SMCO4: variants seen among roughly 807,000 people sequenced by gnomAD.
SMCO4 encodes single-pass membrane and coiled-coil domain-containing protein 4.
Under a neutral mutation model 3.6 loss-of-function variants are expected in SMCO4, and 4 were observed. The ratio of observed to expected loss-of-function variants is 1.11; its 90% CI spans 0.54 to 2.53. The LOEUF is 2.53. Ranked by LOEUF, SMCO4 falls within the 30% of genes most tolerant of loss-of-function variation. SMCO4 has a pLI of 0.02. For synonymous variants in SMCO4, 36 were observed against 35.3 expected (o/e 1.02, Z -0.07); for missense variants, 70 against 80.8 (o/e 0.87, Z 0.51).
At chr11:93,529,299 C>G (rs904315442) in intron 1 of SMCO4, among the ~76,000 whole-genome samples, 3 of 152,200 alleles carry the variant, frequency 2.0e-5, no homozygotes, top group African/African-American at 7.2e-5. Context: ...ATCTTCACAA[C>G]TTTCATTTTG....
chr11:93,502,127 C>T (rs537698635), intron 1 of SMCO4, among the ~76,000 whole-genome samples: 1 of 152,280 alleles, frequency 6.6e-6, no homozygotes, highest in East Asian at 1.9e-4. Context: ...CCCTTCCCCA[C>T]CCCATACTCC....
intron 1 of SMCO4, among the ~76,000 whole-genome samples, chr11:93,539,132 G>A (rs749860576): frequency 1.3e-5 from 2 of 152,160 alleles, no homozygotes; most frequent in Middle Eastern, 3.2e-3. Context: ...AGCATGATCA[G>A]CCTCCCAGAG....
chr11:93,507,084 G>A (rs922333050), intron 1 of SMCO4, among the ~76,000 whole-genome samples: 2 of 152,136 alleles, frequency 1.3e-5, no homozygotes, highest in African/African-American at 2.4e-5. Flanking sequence ...TGTTGCTAAA[G>A]ACAAATTTTG....
chr11:93,479,392 GAGGCCACACC>G, intron 2 of SMCO4, 123 bp from the exon 3 acceptor site: 1 of 936,178 alleles, frequency 1.1e-6, no homozygotes. Context: ...GCTAAGAACA[GAGGCCACACC>G]AGGCTCTAAG....
intron 1 of SMCO4, among the ~76,000 whole-genome samples, chr11:93,541,453 GAC>G (rs753228805): frequency 6.6e-6 from 1 of 152,152 alleles, no homozygotes; most frequent in Non-Finnish European, 1.5e-5. Flanking sequence ...GTTGTACAAG[GAC>G]CCCAGCATCA....
the SMCO4 span, among the ~76,000 whole-genome samples, chr11:93,550,140 G>A: frequency 6.6e-6 from 1 of 152,156 alleles, no homozygotes; most frequent in Admixed American, 6.5e-5. Flanking sequence ...TACCCCTGCT[G>A]CCGGCAACCA....
intron 1 of SMCO4, among the ~76,000 whole-genome samples, chr11:93,532,592 ATCTG>A (rs1053476103): frequency 2.6e-5 from 4 of 152,266 alleles, no homozygotes; most frequent in East Asian, 1.9e-4. Flanking sequence ...CCTCTCATCT[ATCTG>A]TCTATGTCCT....
At chr11:93,482,579 G>T (rs1227683319) in intron 2 of SMCO4, among the ~76,000 whole-genome samples, 1 of 152,204 alleles carries the variant, frequency 6.6e-6, no homozygotes, top group East Asian at 1.9e-4. Flanking sequence ...CAAGCATGGG[G>T]TACTCAGAGA....
intron 1 of SMCO4, among the ~76,000 whole-genome samples, chr11:93,518,330 C>T (rs746265730): frequency 1.3e-5 from 2 of 152,152 alleles, no homozygotes; most frequent in Non-Finnish European, 2.9e-5. Context: ...TATGGAGATA[C>T]CACATTTTGT....
chr11:93,509,003 C>T (rs1948933832), intron 1 of SMCO4, among the ~76,000 whole-genome samples: 2 of 152,084 alleles, frequency 1.3e-5, no homozygotes, highest in South Asian at 4.1e-4. Context: ...TTAAAAATTG[C>T]TCACGGCCAG....
chr11:93,485,239 T>C (rs1948634933), intron 2 of SMCO4, among the ~76,000 whole-genome samples: 1 of 152,140 alleles, frequency 6.6e-6, no homozygotes, highest in Non-Finnish European at 1.5e-5. Flanking sequence ...CCTGTAAGCT[T>C]TCCACATCAT....
At chr11:93,501,881 G>A (rs1427749168) in intron 1 of SMCO4, among the ~76,000 whole-genome samples, 1 of 151,964 alleles carries the variant, frequency 6.6e-6, no homozygotes, top group Non-Finnish European at 1.5e-5. Flanking sequence ...AACAGCAATG[G>A]GCCAGATGAC....
chr11:93,526,727 T>C (rs1949111839), intron 1 of SMCO4, among the ~76,000 whole-genome samples: 1 of 152,158 alleles, frequency 6.6e-6, no homozygotes, highest in Admixed American at 6.5e-5. Flanking sequence ...CTCAGCACTT[T>C]TTCCCTACAT....
At chr11:93,502,904 C>CA (rs1444611565) in intron 1 of SMCO4, among the ~76,000 whole-genome samples, 5 of 152,188 alleles carry the variant, frequency 3.3e-5, no homozygotes, top group African/African-American at 1.2e-4. Flanking sequence ...ACAGGCCAGC[C>CA]ACTAACCTGA....
chr11:93,534,797 G>A (rs536188113), intron 1 of SMCO4, among the ~76,000 whole-genome samples: 28 of 152,162 alleles, frequency 1.8e-4, no homozygotes, highest in African/African-American at 5.8e-4. Context: ...GGAGGGCCCC[G>A]AGATCAGCCC....
intron 2 of SMCO4, among the ~76,000 whole-genome samples, chr11:93,485,404 T>A (rs1156839353): frequency 6.6e-6 from 1 of 152,260 alleles, no homozygotes; most frequent in African/African-American, 2.4e-5. Flanking sequence ...ATGGAACATC[T>A]ATGCTGGAAT....
intron 1 of SMCO4, among the ~76,000 whole-genome samples, chr11:93,500,030 G>T (rs184408417): frequency 1.5e-4 from 23 of 152,312 alleles, no homozygotes; most frequent in Middle Eastern, 3.4e-3. Flanking sequence ...GAGTTCCCTT[G>T]AAAGTAAAAA....
At chr11:93,493,516 C>G (rs1251191005) in intron 2 of SMCO4, among the ~76,000 whole-genome samples, 9 of 152,346 alleles carry the variant, frequency 5.9e-5, no homozygotes, top group African/African-American at 1.9e-4. Context: ...TATGTTCTCC[C>G]TGCCATTACC....
At chr11:93,510,932 C>G (rs1019636881) in intron 1 of SMCO4, among the ~76,000 whole-genome samples, 1 of 152,138 alleles carries the variant, frequency 6.6e-6, no homozygotes, top group Non-Finnish European at 1.5e-5. Context: ...AACCCCATCT[C>G]TACTAAAAAT....
Sources: allele counts gnomAD v4.1 joint callset (sites outside exome capture counted in the v4.1 genomes callset), GRCh38; gene constraint gnomAD v4.1.1; transcripts MANE v1.5; gene names NCBI Gene and HGNC (gene_info 2026-07-23, HGNC 2026-07-21).